Variants in EGFLAM observed in about 807,000 individuals in gnomAD.
EGFLAM encodes EGF like, fibronectin type III and laminin G domains.
EGFLAM carries 79 observed loss-of-function variants against 113.1 expected under a neutral mutation model. The observed-to-expected ratio is 0.70, with a 90% CI of 0.58 to 0.84. The LOEUF is 0.84. EGFLAM is among the 40% of genes least tolerant of loss of function. The pLI, the probability that EGFLAM is intolerant of heterozygous loss-of-function variation, is 0.00. For missense variants in EGFLAM, 1,265 were observed against 1,291.6 expected (o/e 0.98, Z 0.32); for synonymous variants, 504 against 487.6 (o/e 1.03, Z -0.44).
intron 6 of EGFLAM, among the ~76,000 whole-genome samples, chr5:38,388,049 C>A (rs1355473051): frequency 2.0e-5 from 3 of 152,318 alleles, no homozygotes; most frequent in Non-Finnish European, 4.4e-5. Context: ...CTACCAGAGC[C>A]AGGCTTTTGG....
chr5:38,417,919 A>C, intron 11 of EGFLAM, 147 bp from the exon 12 acceptor site: 1 of 781,628 alleles, frequency 1.3e-6, no homozygotes, highest in African/African-American at 1.7e-5. Context: ...TTTTCCAGTA[A>C]GGCAAGGTCT....
intron 1 of EGFLAM, among the ~76,000 whole-genome samples, chr5:38,259,075 G>T (rs764748085): frequency 2.0e-5 from 3 of 152,258 alleles, no homozygotes; most frequent in Non-Finnish European, 4.4e-5. Context: ...CAATTTTCCA[G>T]ACATAGTAGA....
At chr5:38,288,307 T>A (rs1328996300) in intron 1 of EGFLAM, among the ~76,000 whole-genome samples, 6 of 152,190 alleles carry the variant, frequency 3.9e-5, no homozygotes. Context: ...ATATAATTAG[T>A]AAAATAGCTG....
chr5:38,448,231 G>GC, intron 17 of EGFLAM, 70 bp from the exon 18 acceptor site: 1 of 1,513,926 alleles, frequency 6.6e-7, no homozygotes, highest in Non-Finnish European at 9.2e-7. Context: ...GTGTTTTCCT[G>GC]CCATGTGTGT....
Position 38,418,063 on chromosome 5 carries a change from A to C in EGFLAM, c.1495-3A>C. On this transcript the variant is annotated splice_region_variant and splice_polypyrimidine_tract_variant and intron_variant, in intron 11 of 21. Transcript: ENST00000322350. ...TATTCATGAGTGGTCATCTTTCTTA[A>C]AGGGCCAATACAGTAAAATTACTTT... 2 of 1,605,450 alleles carry C rather than the reference A, an allele frequency of 1.2e-6. No homozygotes were observed. The highest frequency in any genetic ancestry group is 1.3e-5 in the African/African-American group (1 of 74,602).
At chr5:38,445,834 C>A in intron 17 of EGFLAM, 2 of 996,936 alleles carry the variant, frequency 2.0e-6, no homozygotes, top group Non-Finnish European at 1.6e-6. Flanking sequence ...AGCCTCCCCG[C>A]CGGCCAGCCA....
rs559680666 is a variant in EGFLAM at position 38,318,548 on chromosome 5, A to C, written c.98-18972A>C. 5.9e-5 allele frequency among the ~76,000 whole-genome samples: 9 copies of C among 152,054 alleles called. No individual in the cohort carries two copies. The East Asian group carries it at 1.6e-3, about 26-fold the overall frequency. On this transcript the variant is annotated intron_variant, in intron 1 of 21. Coordinates refer to ENST00000322350, the MANE Select transcript of EGFLAM (RefSeq NM_152403.4). ...CTCTCCTATAAGTCTAAAATTATTC[A>C]AACACCAGAGGCTGGGTACAGTGGC...
chr5:38,274,013 T>C (rs1425331467), intron 1 of EGFLAM, among the ~76,000 whole-genome samples: 2 of 152,008 alleles, frequency 1.3e-5, no homozygotes, highest in Non-Finnish European at 2.9e-5. Context: ...GAATGATAAA[T>C]TTAACAGAGA....
At chr5:38,338,600 G>A (rs1350598052) in intron 2 of EGFLAM, 98 bp from the exon 3 acceptor site, 12 of 1,126,156 alleles carry the variant, frequency 1.1e-5, no homozygotes, top group South Asian at 3.9e-5. Flanking sequence ...GTTAGGCAAC[G>A]CACCTCAGAG....
chr5:38,460,849 GC>G (rs977215202), intron 20 of EGFLAM: 13 of 152,256 alleles, frequency 8.5e-5, no homozygotes, highest in African/African-American at 2.7e-4. Context: ...AAAGGAGATT[GC>G]CCAGGGGGCC....
chr5:38,370,437 GC>G lies in EGFLAM; in HGVS notation c.690del (p.Ser231ValfsTer38). 6.2e-7 allele frequency: 1 copy of G among 1,614,082 alleles called. No individual in the cohort carries two copies. On this transcript the variant is annotated frameshift_variant, in exon 6 of 22. Coordinates refer to ENST00000322350, the MANE Select transcript of EGFLAM (RefSeq NM_152403.4). LOFTEE classifies it high-confidence loss of function. ...CCCATGGCCCCAGCCCCCGCAGCTG[GC>G]CCAGTGACATCATCCGGACCCTCTG... ...NSHGPSPRSW[P>X]SDIIRTLCPE...
chr5:38,425,207 C>T, intron 13 of EGFLAM, 115 bp downstream of exon 13: 1 of 1,454,380 alleles, frequency 6.9e-7, no homozygotes, highest in Non-Finnish European at 9.2e-7. Context: ...GAGACAAAGG[C>T]TCCCTCTCTT....
chr5:38,430,082 C>A, intron 14 of EGFLAM: 1 of 229,016 alleles, frequency 4.4e-6, no homozygotes, highest in South Asian at 7.0e-5. Flanking sequence ...CATCAATGTT[C>A]TTCACGATGA....
intron 12 of EGFLAM, among the ~76,000 whole-genome samples, chr5:38,423,475 G>A (rs1194818744): frequency 6.6e-6 from 1 of 152,098 alleles, no homozygotes; most frequent in Admixed American, 6.6e-5. Flanking sequence ...AAATGCATAA[G>A]ACTTGTAATG....
chr5:38,454,357 C>A (rs1019427532), intron 19 of EGFLAM, among the ~76,000 whole-genome samples: 6 of 146,704 alleles, frequency 4.1e-5, no homozygotes, highest in Non-Finnish European at 7.4e-5. Flanking sequence ...CCTGATCCCC[C>A]ACGTGGGCTC....
chr5:38,269,495 T>C (rs1372740377), intron 1 of EGFLAM, among the ~76,000 whole-genome samples: 2 of 149,968 alleles, frequency 1.3e-5, no homozygotes, highest in African/African-American at 2.4e-5. Context: ...TTCTTTTCTT[T>C]TTTTTTTTTT....
At chr5:38,323,441 G>A (rs1187661374) in intron 1 of EGFLAM, among the ~76,000 whole-genome samples, 1 of 152,184 alleles carries the variant, frequency 6.6e-6, no homozygotes, top group Non-Finnish European at 1.5e-5. Context: ...CTCTTAAGCA[G>A]TATAGCTTCT....
chr5:38,434,465 G>A (rs953755272), intron 15 of EGFLAM, among the ~76,000 whole-genome samples: 21 of 152,322 alleles, frequency 1.4e-4, no homozygotes, highest in East Asian at 5.8e-4. Context: ...ATTGTAGTAT[G>A]TGCCTAATAA....
chr5:38,377,916 T>C (rs1316998487), intron 6 of EGFLAM, among the ~76,000 whole-genome samples: 1 of 152,196 alleles, frequency 6.6e-6, no homozygotes, highest in East Asian at 1.9e-4. Flanking sequence ...CCTGGGTTCT[T>C]ACTTGATCAT....
Sources: allele counts gnomAD v4.1 joint callset (sites outside exome capture counted in the v4.1 genomes callset), GRCh38; gene constraint gnomAD v4.1.1; transcripts MANE v1.5; gene names NCBI Gene and HGNC (gene_info 2026-07-23, HGNC 2026-07-21).